Variants in TMEM245 observed in about 807,000 individuals in gnomAD.
The protein encoded by TMEM245 is protein CG-2.
TMEM245 carries 69 observed loss-of-function variants against 101.2 expected under a neutral mutation model. The observed-to-expected ratio is 0.68, with a 90% CI of 0.56 to 0.83. TMEM245 has a LOEUF of 0.83. Among genes scored for constraint, TMEM245 ranks in the 40% least tolerant of loss-of-function variants. The probability of loss-of-function intolerance (pLI) is 0.00; values close to 1 mark genes in which losing one functional copy is unlikely to be tolerated. For synonymous variants in TMEM245, 537 were observed against 449.8 expected (o/e 1.19, Z -2.45); for missense variants, 1,075 against 1,092.8 (o/e 0.98, Z 0.23).
intron 9 of TMEM245, among the ~76,000 whole-genome samples, chr9:109,069,748 C>G (rs1035057294): frequency 1.3e-5 from 2 of 152,200 alleles, no homozygotes; most frequent in African/African-American, 4.8e-5. Context: ...GCTTCTCCAT[C>G]TTAAAAAATT....
chr9:109,015,141 T>G lies in TMEM245; in HGVS notation c.*5319A>C, dbSNP rs1827391504. 1 of 152,138 alleles carries G rather than the reference T, an allele frequency of 6.6e-6. No homozygotes were observed. The highest frequency in any genetic ancestry group is 1.5e-5 in the Non-Finnish European group (1 of 68,036). The allele number at this position is 152,138 out of a possible 1,614,324, so 9.4% of individuals were successfully genotyped here. On this transcript the variant is annotated 3_prime_UTR_variant, in exon 18 of 18. Coordinates refer to ENST00000374586, the MANE Select transcript of TMEM245 (RefSeq NM_032012.4). ...TTTTTCAACACACAGGAGATTAAGT[T>G]TACCACATGATTCATTCAACACTAG...
rs1337254060 is a variant in TMEM245, at chr9:109,119,600, C to T, written c.314G>A (p.Gly105Asp). The T allele has an allele frequency of 3.9e-6, 6 of 1,554,452 alleles. No homozygotes were observed. Among genetic ancestry groups the T allele is most frequent in the Non-Finnish European group, 5.2e-6 (6 of 1,153,860 alleles). ...GTGCAGGCGCTGCAGCCAGTGGCGG[C>T]CCAGGCGCGTCAGCGAGCTCTTGAA... is the stretch of plus-strand genomic sequence containing the variant. Reference protein sequence around the residue: ...HPFKSSLTRLGRHWLQRLHRA... With the variant: ...HPFKSSLTRLDRHWLQRLHRA... The change falls in exon 1 of 18, where the codon GGC (glycine) becomes GAC (aspartate). Residue 105 changes from glycine to aspartate, a missense_variant. Gly to Asp is a moderately conservative substitution (Grantham distance 94). Around this residue, in one of 2 missense-constraint regions of TMEM245, gnomAD observed 808 missense variants for 741.5 expected, o/e 1.09. Transcript: ENST00000374586.
At chr9:109,089,276 T>C (rs1194854932) in intron 5 of TMEM245, among the ~76,000 whole-genome samples, 2 of 152,104 alleles carry the variant, frequency 1.3e-5, no homozygotes, top group Admixed American at 1.3e-4. Flanking sequence ...CCATTTATAT[T>C]GCATGCTCCC....
At chr9:109,058,093 C>T (rs1828899086) in intron 11 of TMEM245, among the ~76,000 whole-genome samples, 1 of 151,222 alleles carries the variant, frequency 6.6e-6, no homozygotes, top group African/African-American at 2.4e-5. Context: ...CTCCGCCTCC[C>T]AGGTTCATGC....
intron 17 of TMEM245, among the ~76,000 whole-genome samples, chr9:109,032,807 CT>C (rs568749155): frequency 0.066 from 8,120 of 123,102 alleles, 288 homozygotes; most frequent in Admixed American, 0.12. Context: ...CAATATAGGT[CT>C]TTTTTTTTTT....
At chr9:109,074,228 A>G (rs1220673608) in intron 8 of TMEM245, among the ~76,000 whole-genome samples, 1 of 152,146 alleles carries the variant, frequency 6.6e-6, no homozygotes, top group Non-Finnish European at 1.5e-5. Flanking sequence ...ACCTTGCCCA[A>G]TAACCAACAA....
intron 1 of TMEM245, among the ~76,000 whole-genome samples, chr9:109,109,137 T>C (rs1174712810): frequency 1.3e-5 from 2 of 152,136 alleles, no homozygotes; most frequent in Admixed American, 6.5e-5. Context: ...TCCAGAGTTA[T>C]GATGCACCAG....
chr9:109,093,245 C>A (rs1292943063), intron 4 of TMEM245, among the ~76,000 whole-genome samples: 1 of 151,578 alleles, frequency 6.6e-6, no homozygotes, highest in Non-Finnish European at 1.5e-5. Context: ...AAGGAAAGAA[C>A]AAAGAACCAA....
chr9:109,046,132 C>T (rs985893925), intron 14 of TMEM245: 2 of 429,502 alleles, frequency 4.7e-6, no homozygotes, highest in Non-Finnish European at 1.0e-5. Flanking sequence ...ATGGCATACA[C>T]ACTGTCTTAT....
At chr9:109,107,214 C>A (rs963839003) in intron 2 of TMEM245, among the ~76,000 whole-genome samples, 24 of 151,428 alleles carry the variant, frequency 1.6e-4, no homozygotes, top group Non-Finnish European at 2.8e-4. Context: ...ATGGTGAAAT[C>A]CCATCTCCAC....
intron 14 of TMEM245, 65 bp downstream of exon 14, chr9:109,050,218 A>T (rs909550717): frequency 6.3e-7 from 1 of 1,586,268 alleles, no homozygotes; most frequent in Admixed American, 1.8e-5. Flanking sequence ...CTCATGACAA[A>T]AAACAGGCTT....
chr9:109,091,079 A>G lies in TMEM245; in HGVS notation c.993T>C (p.Pro331=). Residue 331 remains proline, a synonymous_variant, in exon 5 of 18, where the codon CCT becomes CCC. Coordinates refer to ENST00000374586, the MANE Select transcript of TMEM245 (RefSeq NM_032012.4). ...GCCTTCGTCTGCCCAGAGTAGGTGAAGGGGAAGTGGGTGAAGGGGAGGAGG... is the reference window on the plus strand; with the variant it reads ...GCCTTCGTCTGCCCAGAGTAGGTGAGGGGGAAGTGGGTGAAGGGGAGGAGG... ...PSPSSPSPTS[P]SPTLGRRRPE... 1 of 1,614,076 alleles carries G rather than the reference A, an allele frequency of 6.2e-7. No individual in the cohort carries two copies.
chr9:109,074,644 A>G (rs183043215), intron 8 of TMEM245, among the ~76,000 whole-genome samples: 308 of 148,902 alleles, frequency 2.1e-3, no homozygotes, highest in African/African-American at 7.1e-3. Context: ...ATTGAGTGAG[A>G]CAGTACAAAG....
At chr9:109,107,078 G>A (rs2132641858) in intron 2 of TMEM245, among the ~76,000 whole-genome samples, 1 of 152,048 alleles carries the variant, frequency 6.6e-6, no homozygotes, top group South Asian at 2.1e-4. Flanking sequence ...CTCCTCCTCA[G>A]TGTATAATGC....
At chr9:109,081,430 T>C (rs1427175134) in intron 7 of TMEM245, among the ~76,000 whole-genome samples, 2 of 151,388 alleles carry the variant, frequency 1.3e-5, no homozygotes, top group African/African-American at 4.9e-5. Context: ...AAAAGAGGAG[T>C]TGCATTCAAA....
intron 2 of TMEM245, among the ~76,000 whole-genome samples, chr9:109,107,104 T>C (rs889304752): frequency 3.9e-5 from 6 of 151,910 alleles, no homozygotes; most frequent in African/African-American, 1.5e-4. Flanking sequence ...TGTTTACAAG[T>C]TGGCTGGGCG....
chr9:109,100,772 ATTTG>A (rs1386389337), intron 3 of TMEM245, among the ~76,000 whole-genome samples: 2 of 152,184 alleles, frequency 1.3e-5, no homozygotes, highest in African/African-American at 2.4e-5. Context: ...ACAAAGATTT[ATTTG>A]TTTGAGTTCT....
intron 1 of TMEM245, among the ~76,000 whole-genome samples, chr9:109,117,715 T>A (rs1156294928): frequency 6.6e-6 from 1 of 152,202 alleles, no homozygotes; most frequent in Non-Finnish European, 1.5e-5. Context: ...AAATATACTA[T>A]TTACATGTGG....
At chr9:109,102,258 AAAAT>A (rs1226850320) in intron 3 of TMEM245, among the ~76,000 whole-genome samples, 1 of 152,206 alleles carries the variant, frequency 6.6e-6, no homozygotes, top group East Asian at 1.9e-4. Flanking sequence ...AATATAAAAT[AAAAT>A]AAAATAAAAT....
Sources: allele counts gnomAD v4.1 joint callset (sites outside exome capture counted in the v4.1 genomes callset), GRCh38; gene constraint gnomAD v4.1.1; regional missense constraint gnomAD v4.1.1; transcripts MANE v1.5; gene names NCBI Gene and HGNC (gene_info 2026-07-23, HGNC 2026-07-21).